The following CSNK2A1 variants were observed in gnomAD, a reference collection of about 807,000 sequenced individuals.
CSNK2A1 encodes casein kinase II subunit alpha.
Under a neutral mutation model 62.9 loss-of-function variants are expected in CSNK2A1, and 10 were observed. The observed-to-expected ratio is 0.16, with a 90% CI of 0.10 to 0.27. The LOEUF (loss-of-function observed/expected upper bound fraction) is 0.27, where lower values mean the gene tolerates loss of function less well. Ranked by LOEUF, CSNK2A1 falls within the 10% of genes least tolerant of loss-of-function variation. The pLI is 1.00. For synonymous variants in CSNK2A1, 124 were observed against 167.8 expected, an observed-to-expected ratio of 0.74 and a Z score of 2.02; for missense variants, 160 against 492.0, an observed-to-expected ratio of 0.33 and a Z score of 6.38.
rs2018003881 is a variant in CSNK2A1 at position 483,796 on chromosome 20, CTATTA to C, written c.*160_*164del. ...AAAAAAAAGAAAAAAGAAAATCAGC[CTATTA>C]TAATTTTTTTTTTATGACTGAACTA... On this transcript the variant is annotated 3_prime_UTR_variant, in exon 14 of 14. Transcript: ENST00000217244. The C allele has an allele frequency of 9.0e-6, 4 of 443,918 alleles. No individual in the cohort carries two copies. Among genetic ancestry groups the C allele is most frequent in the Non-Finnish European group, 1.5e-5 (4 of 263,890 alleles). 27.5% of individuals were successfully genotyped at this position (443,918 alleles called of 1,614,324 possible). A position where few individuals can be genotyped will look rare whatever the true frequency, so the allele number is the denominator to read the frequency against.
chr20:507,999 G>C (rs1479778076), intron 3 of CSNK2A1: 3 of 154,804 alleles, frequency 1.9e-5, no homozygotes, highest in Non-Finnish European at 4.3e-5. Flanking sequence ...AATGTGTACC[G>C]TAATAAATAC....
At position 530,467 on chromosome 20, in the gene CSNK2A1, CCTTT is replaced by C. The variant is rs1231653444; in HGVS notation, c.-226-2422_-226-2419del. On this transcript the variant is annotated intron_variant, in intron 1 of 13. Transcript: ENST00000217244. ...TGTGTACAAGTTTTTCACTTTTTTT[CCTTT>C]TTTTTTTTTTTTTTAGAGTCAGGAC... Among the ~76,000 whole-genome samples, 6 of 144,808 alleles carry C rather than the reference CCTTT, an allele frequency of 4.1e-5. No individual in the cohort carries two copies. The East Asian group carries it at 1.2e-3, about 28-fold the overall frequency. 95.0% of individuals were successfully genotyped at this position (144,808 alleles called of 152,430 possible).
intron 1 of CSNK2A1, among the ~76,000 whole-genome samples, chr20:529,765 C>T (rs193249213): frequency 2.2e-4 from 34 of 152,258 alleles, no homozygotes; most frequent in Admixed American, 1.9e-3. Context: ...GTTATGACCG[C>T]AGTATGTGAT....
intron 2 of CSNK2A1, among the ~76,000 whole-genome samples, chr20:509,528 A>G (rs1212718129): frequency 1.3e-5 from 2 of 152,252 alleles, no homozygotes; most frequent in Non-Finnish European, 2.9e-5. Flanking sequence ...TGAGAAGGAT[A>G]TAACACGTAT....
At chr20:485,092 AAAAAAAAAAAAAAAAAAATATATATAT>A (rs2018051906) in intron 13 of CSNK2A1, among the ~76,000 whole-genome samples, 2 of 44,584 alleles carry the variant, frequency 4.5e-5, no homozygotes, top group African/African-American at 1.5e-4. Context: ...AAAAAAAAAA[AAAAAAAAAAAAAAAAAAATATATATAT>A]ATATATATAT....
intron 1 of CSNK2A1, chr20:539,467 T>C (rs1301529173): frequency 1.3e-5 from 2 of 152,230 alleles, no homozygotes; most frequent in Admixed American, 1.3e-4. Flanking sequence ...GTCCTTCTCA[T>C]GCTTCAAATT....
rs761798987 is a variant in CSNK2A1 at position 499,971 on chromosome 20, AAAAAAT to A, written c.214-43_214-38del. On this transcript the variant is annotated intron_variant, in intron 4 of 13. Transcript: ENST00000217244. The surrounding 1 kb of genome is among the most constrained non-coding windows in gnomAD (Gnocchi z 4.2). ...AAAGTACATCAGCAAAAAAAAAAAA[AAAAAAT>A]TTTTTCAGAGTATTTCAACACGTAG... is the stretch of plus-strand genomic sequence containing the variant. The A allele has an allele frequency of 3.8e-6, 6 of 1,558,900 alleles. No homozygotes were observed. The highest frequency in any genetic ancestry group is 1.2e-5 in the South Asian group (1 of 86,110).
In CSNK2A1 at chr20:492,505, G is replaced by A. The variant is rs533307857; in HGVS notation, c.511-141C>T. On this transcript the variant is annotated intron_variant, in intron 8 of 13. Coordinates refer to ENST00000217244, the MANE Select transcript of CSNK2A1 (RefSeq NM_177559.3). ...ACTGACTACTTATAGCCTTTAGAAT[G>A]AAAATAAAACTTCTTAGCTTGACAA... 9.4e-6 allele frequency: 7 copies of A among 746,318 alleles called. No homozygotes were observed. The Admixed American group carries it at 1.2e-4, about 13-fold the overall frequency. The allele number at this position is 746,318 out of a possible 1,614,324, so 46.2% of individuals were successfully genotyped here. A position where few individuals can be genotyped will look rare whatever the true frequency, so the allele number is the denominator to read the frequency against.
chr20:525,918 A>C (rs2019078252), intron 2 of CSNK2A1, among the ~76,000 whole-genome samples: 1 of 149,932 alleles, frequency 6.7e-6, no homozygotes, highest in South Asian at 2.1e-4. Flanking sequence ...GATGGGAGGA[A>C]CACTTGAGCC....
In CSNK2A1 at chr20:499,551, C is replaced by T; in HGVS notation, c.316-246G>A. The T allele has an allele frequency of 1.8e-6, 1 of 551,432 alleles. No homozygotes were observed. Among genetic ancestry groups the T allele is most frequent in the Non-Finnish European group, 3.2e-6 (1 of 315,556 alleles). The allele number at this position is 551,432 out of a possible 1,614,324, so 34.2% of individuals were successfully genotyped here. ...AGGCTCTAGGCAGCCCGACAATGCG[C>T]CCATCGCCCATCGGCATCGGACCTG... is the stretch of plus-strand genomic sequence containing the variant. On this transcript the variant is annotated intron_variant, in intron 5 of 13. Transcript: ENST00000217244. The surrounding 1 kb of genome is among the most constrained non-coding windows in gnomAD (Gnocchi z 4.2).
Position 486,359 on chromosome 20 carries a change from T to C in CSNK2A1, c.1060+17A>G. ...GACTTCCACATTTTTTTAAAGAAAA[T>C]TTACCAATGAACTGACCTGACATCA... On this transcript the variant is annotated intron_variant, in intron 13 of 13. Transcript: ENST00000217244. The C allele has an allele frequency of 6.2e-7, 1 of 1,612,414 alleles. No homozygotes were observed. The highest frequency in any genetic ancestry group is 8.5e-7 in the Non-Finnish European group (1 of 1,179,256).
intron 2 of CSNK2A1, among the ~76,000 whole-genome samples, chr20:515,060 T>C (rs1277558084): frequency 6.6e-6 from 1 of 152,202 alleles, no homozygotes; most frequent in Non-Finnish European, 1.5e-5. Flanking sequence ...AAGTGACCCA[T>C]ACATATTGTT....
intron 9 of CSNK2A1, among the ~76,000 whole-genome samples, chr20:491,996 T>C (rs1334298709): frequency 6.6e-6 from 1 of 152,172 alleles, no homozygotes; most frequent in Non-Finnish European, 1.5e-5. Context: ...TTATAGAACA[T>C]ATCTTTGGCT....
chr20:523,686 T>A (rs1312866469), intron 2 of CSNK2A1, among the ~76,000 whole-genome samples: 2 of 151,316 alleles, frequency 1.3e-5, no homozygotes, highest in South Asian at 2.1e-4. Context: ...GGTCAGGAGA[T>A]CGAGACCATC....
In CSNK2A1 at chr20:475,386, G is replaced by A. The variant is rs993668505; in HGVS notation, c.*8575C>T. 6.6e-6 allele frequency: 1 copy of A among 152,010 alleles called. No homozygotes were observed. The highest frequency in any genetic ancestry group is 1.5e-5 in the Non-Finnish European group (1 of 68,172). The allele number at this position is 152,010 out of a possible 1,614,324, so 9.4% of individuals were successfully genotyped here. On this transcript the variant is annotated 3_prime_UTR_variant, in exon 14 of 14. Transcript: ENST00000217244. ...GAGGCAGGAGAATCGCTTGAACCTG[G>A]GAGGTGGAGGTTGCAGTGGGCTGAG...
intron 9 of CSNK2A1, among the ~76,000 whole-genome samples, chr20:490,222 G>A (rs1407571366): frequency 1.3e-5 from 2 of 149,704 alleles, no homozygotes; most frequent in African/African-American, 4.9e-5. Flanking sequence ...GTAGAGACGG[G>A]GTTTCACTAC....
chr20:491,611 C>A (rs2018236605), intron 9 of CSNK2A1, among the ~76,000 whole-genome samples: 1 of 152,082 alleles, frequency 6.6e-6, no homozygotes. Flanking sequence ...TTCGGGGCTG[C>A]AGTCAGCTAT....
rs1034579227 is a variant in CSNK2A1, at chr20:480,894, C to A, written c.*3067G>T. The A allele has an allele frequency of 6.6e-6, 1 of 152,226 alleles. No homozygotes were observed. The highest frequency in any genetic ancestry group is 2.4e-5 in the African/African-American group (1 of 41,458). 9.4% of individuals were successfully genotyped at this position (152,226 alleles called of 1,614,324 possible). On this transcript the variant is annotated 3_prime_UTR_variant, in exon 14 of 14. Coordinates refer to ENST00000217244, the MANE Select transcript of CSNK2A1 (RefSeq NM_177559.3). Reference sequence around the variant, plus strand: ...TCTGTCAACCAATCTCTAATTTTCTCTGCTACTTTAGGACTATAGTAATTA... The same window carrying A: ...TCTGTCAACCAATCTCTAATTTTCTATGCTACTTTAGGACTATAGTAATTA...
In CSNK2A1 at chr20:473,519, A is replaced by T. The variant is rs1232019483; in HGVS notation, c.*10442T>A. 6.6e-6 allele frequency: 1 copy of T among 152,044 alleles called. No individual in the cohort carries two copies. Among genetic ancestry groups the T allele is most frequent in the Admixed American group, 6.6e-5 (1 of 15,254 alleles). 9.4% of individuals were successfully genotyped at this position (152,044 alleles called of 1,614,324 possible). A position where few individuals can be genotyped will look rare whatever the true frequency, so the allele number is the denominator to read the frequency against. On this transcript the variant is annotated 3_prime_UTR_variant, in exon 14 of 14. Transcript: ENST00000217244. ...GGATTTGGTGTCCTTCCCTCCACAG[A>T]CTAAGGCTTTTGTCCGGTAGGGGAT...
Sources: allele counts gnomAD v4.1 joint callset (sites outside exome capture counted in the v4.1 genomes callset), GRCh38; gene constraint gnomAD v4.1.1; non-coding constraint Gnocchi (gnomAD v3.1); transcripts MANE v1.5; gene names NCBI Gene and HGNC (gene_info 2026-07-23, HGNC 2026-07-21).